The following NDE1 variants were observed in gnomAD, a reference collection of about 807,000 sequenced individuals.
NDE1 encodes nudE neurodevelopment protein 1.
Under a neutral mutation model 43.4 loss-of-function variants are expected in NDE1, and 28 were observed. The ratio of observed to expected loss-of-function variants is 0.65; its 90% CI spans 0.48 to 0.89. The LOEUF (loss-of-function observed/expected upper bound fraction) is 0.89. Ranked by LOEUF, NDE1 falls within the 40% of genes least tolerant of loss-of-function variation. NDE1 has a pLI of 0.00. For synonymous variants in NDE1, 184 were observed against 172.0 expected, an observed-to-expected ratio of 1.07 and a Z score of -0.55; for missense variants, 441 against 434.1, an observed-to-expected ratio of 1.02 and a Z score of -0.14.
rs12927605 is a variant in NDE1 at position 15,725,114 on chromosome 16, C to T, written c.*863C>T. Reference sequence around the variant, plus strand: ...GGTGTTCACTGATTGAGAAAATACCCGTGAGGTATGGGACTCTGATAAAAA... The same window carrying T: ...GGTGTTCACTGATTGAGAAAATACCTGTGAGGTATGGGACTCTGATAAAAA... On this transcript the variant is annotated 3_prime_UTR_variant, in exon 9 of 9. Coordinates refer to ENST00000396354, the MANE Select transcript of NDE1 (RefSeq NM_017668.3). 5 of 757,610 alleles carry T rather than the reference C, an allele frequency of 6.6e-6. No homozygotes were observed. Among genetic ancestry groups the T allele is most frequent in the South Asian group, 1.5e-5 (1 of 67,674 alleles). 46.9% of individuals were successfully genotyped at this position (757,610 alleles called of 1,614,324 possible). A position where few individuals can be genotyped will look rare whatever the true frequency, so the allele number is the denominator to read the frequency against.
chr16:15,724,037 C>T (rs919874452), intron 8 of NDE1, 154 bp from the exon 9 acceptor site: 1 of 1,523,912 alleles, frequency 6.6e-7, no homozygotes, highest in Non-Finnish European at 9.0e-7. Flanking sequence ...GACAGCCTCC[C>T]ATGGCTCCCC....
At chr16:15,719,394 A>G in intron 8 of NDE1, 1 of 1,510,022 alleles carries the variant, frequency 6.6e-7, no homozygotes, top group Admixed American at 1.8e-5. Context: ...GCCACCCTTG[A>G]AAGTACATGT....
intron 1 of NDE1, among the ~76,000 whole-genome samples, chr16:15,661,942 T>TC (rs1488798185): frequency 6.6e-6 from 1 of 151,012 alleles, no homozygotes; most frequent in Non-Finnish European, 1.5e-5. Flanking sequence ...ATTCCTACTT[T>TC]CTTTTTTTTT....
chr16:15,721,101 A>T (rs1469311309), intron 8 of NDE1: 1 of 1,598,590 alleles, frequency 6.3e-7, no homozygotes, highest in South Asian at 1.1e-5. Context: ...CTTCATGAAG[A>T]CGATTGAGAA....
chr16:15,706,715 CAA>C (rs554587198), intron 8 of NDE1, among the ~76,000 whole-genome samples: 5 of 150,006 alleles, frequency 3.3e-5, no homozygotes, highest in Admixed American at 6.6e-5. Context: ...AAAAAAAAAA[CAA>C]AAAAAAATCT....
intron 2 of NDE1, among the ~76,000 whole-genome samples, chr16:15,666,799 A>G (rs1334073628): frequency 5.3e-5 from 8 of 151,852 alleles, no homozygotes; most frequent in Non-Finnish European, 1.0e-4. Flanking sequence ...TTTTAAACAC[A>G]TTTCTGTAGA....
chr16:15,708,779 G>A (rs754707982), intron 8 of NDE1: 4 of 1,600,284 alleles, frequency 2.5e-6, no homozygotes, highest in Non-Finnish European at 3.4e-6. Flanking sequence ...ACAACACACA[G>A]CTGCGAAGCT....
In NDE1 at chr16:15,691,323, G is replaced by C. The variant is rs1248257464; in HGVS notation, c.703G>C (p.Gly235Arg). ...AAACACACCTGGGAGCTTCAGACGT[G>C]GTAAGGGGAGTGGGAATTGCAGGAT... is the stretch of plus-strand genomic sequence containing the variant. The part of the protein sequence containing the change: ...SLNTPGSFRR[G>R]LDDSTGGTPL... Residue 235 changes from glycine (G) to arginine (R), a missense_variant and splice_region_variant, in exon 6 of 9, where the codon GGC becomes CGC. Transcript: ENST00000396354. 2 of 1,613,852 alleles carry C rather than the reference G, an allele frequency of 1.2e-6. No homozygotes were observed.
intron 1 of NDE1, among the ~76,000 whole-genome samples, chr16:15,660,496 A>C (rs1315644491): frequency 1.3e-5 from 2 of 151,280 alleles, no homozygotes; most frequent in African/African-American, 2.4e-5. Flanking sequence ...TGCTTCCCTC[A>C]CCTCTGCTGT....
At chr16:15,724,062 G>A in intron 8 of NDE1, 129 bp from the exon 9 acceptor site, 2 of 1,584,916 alleles carry the variant, frequency 1.3e-6, no homozygotes, top group South Asian at 2.2e-5. Context: ...AGTGGAGAGG[G>A]GATGCAGGCA....
chr16:15,660,183 A>G (rs960077823), intron 1 of NDE1, among the ~76,000 whole-genome samples: 5 of 152,092 alleles, frequency 3.3e-5, no homozygotes, highest in Admixed American at 3.3e-4. Context: ...CTGTTAATAG[A>G]AGTCTGCTTT....
In NDE1 at chr16:15,667,443, A is replaced by T. The variant is rs1445806265; in HGVS notation, c.237+4A>T. On this transcript the variant is annotated splice_donor_region_variant and intron_variant, in intron 3 of 8. Coordinates refer to ENST00000396354, the MANE Select transcript of NDE1 (RefSeq NM_017668.3). ...CATGGAGCTGGAAACCATCAAGGTG[A>T]GGGGCTGAGAGGAAGTGTGCTCAGG... 6.2e-7 allele frequency: 1 copy of T among 1,613,498 alleles called. No individual in the cohort carries two copies. Among genetic ancestry groups the T allele is most frequent in the East Asian group, 2.2e-5 (1 of 44,872 alleles).
At chr16:15,673,098 T>C (rs1480771928) in intron 3 of NDE1, among the ~76,000 whole-genome samples, 1 of 152,260 alleles carries the variant, frequency 6.6e-6, no homozygotes, top group Non-Finnish European at 1.5e-5. Flanking sequence ...CTTTGTTTAC[T>C]TGATTGAGTA....
In NDE1 at chr16:15,691,218, G is replaced by A. The variant is rs891862718; in HGVS notation, c.598G>A (p.Glu200Lys). 1 of 1,614,210 alleles carries A rather than the reference G, an allele frequency of 6.2e-7. No individual in the cohort carries two copies. The highest frequency in any genetic ancestry group is 8.5e-7 in the Non-Finnish European group (1 of 1,180,042). The change falls in exon 6 of 9, where the codon GAG (glutamate) becomes AAG (lysine). Residue 200 changes from glutamate to lysine, a missense_variant. Physicochemically the swap from Glu to Lys is moderately conservative, Grantham distance 56 (BLOSUM62 1). Coordinates refer to ENST00000396354, the MANE Select transcript of NDE1 (RefSeq NM_017668.3). ...RTPMPSSVEA[E>K]RTDTAVQATG... is the part of the protein sequence containing the mutation. Reference sequence around the variant, plus strand: ...CCCCATGCCCAGCTCAGTGGAAGCTGAGAGGACAGACACAGCTGTGCAGGC... The same window carrying A: ...CCCCATGCCCAGCTCAGTGGAAGCTAAGAGGACAGACACAGCTGTGCAGGC...
At chr16:15,686,199 G>A (rs998476808) in intron 4 of NDE1, among the ~76,000 whole-genome samples, 8 of 151,822 alleles carry the variant, frequency 5.3e-5, no homozygotes, top group African/African-American at 9.7e-5. Flanking sequence ...TGATCCGCCC[G>A]CCTCGGCCTC....
chr16:15,677,480 G>A (rs1473378126), intron 3 of NDE1, among the ~76,000 whole-genome samples: 1 of 152,034 alleles, frequency 6.6e-6, no homozygotes, highest in South Asian at 2.1e-4. Context: ...CAGCCACTTG[G>A]GAGGCTGAGG....
intron 1 of NDE1, among the ~76,000 whole-genome samples, chr16:15,653,118 A>G (rs1447881566): frequency 6.6e-6 from 1 of 152,100 alleles, no homozygotes; most frequent in Non-Finnish European, 1.5e-5. Context: ...GTACAGAGAG[A>G]GGGAAATAAA....
chr16:15,725,754 G>A lies in NDE1; in HGVS notation c.*1503G>A, dbSNP rs1313973600. 4.3e-5 allele frequency: 17 copies of A among 398,646 alleles called. No homozygotes were observed. In the East Asian group the frequency reaches 5.7e-4, roughly 13 times the overall value. The allele number at this position is 398,646 out of a possible 1,614,324, so 24.7% of individuals were successfully genotyped here. On this transcript the variant is annotated 3_prime_UTR_variant, in exon 9 of 9. Transcript: ENST00000396354. ...AAACATTTGTGAAAACTTTGGCCACGTCCCCATGAGTGGCAAGGCAGGGTA... is the reference window on the plus strand; with the variant it reads ...AAACATTTGTGAAAACTTTGGCCACATCCCCATGAGTGGCAAGGCAGGGTA...
At chr16:15,700,265 T>G (rs956365119) in intron 8 of NDE1, 28 of 235,296 alleles carry the variant, frequency 1.2e-4, no homozygotes, top group South Asian at 9.4e-4. Flanking sequence ...CCTGGCTGAA[T>G]TTTTTGTATT....
Sources: gnomAD v4.1 joint callset for allele counts (sites outside exome capture counted in the v4.1 genomes callset) on GRCh38, gnomAD v4.1.1 for gene constraint, MANE v1.5 for transcripts, NCBI Gene and HGNC (gene_info 2026-07-23, HGNC 2026-07-21) for gene names.